Variants in MYH11 observed in about 807,000 individuals in gnomAD.
MYH11 encodes myosin heavy chain 11.
Under a neutral mutation model 246.6 loss-of-function variants are expected in MYH11, and 80 were observed. The ratio of observed to expected loss-of-function variants is 0.32; its 90% CI spans 0.27 to 0.39. The LOEUF (loss-of-function observed/expected upper bound fraction) is 0.39, where lower values mean the gene tolerates loss of function less well. Ranked by LOEUF, MYH11 falls within the 10% of genes least tolerant of loss-of-function variation. MYH11 has a pLI of 1.00. For missense variants in MYH11, 2,158 were observed against 2,546.8 expected (o/e 0.85, Z 3.29); for synonymous variants, 1,071 against 1,015.5 (o/e 1.05, Z -1.04).
At chr16:15,735,956 T>C (rs2041105677) in intron 25 of MYH11, among the ~76,000 whole-genome samples, 1 of 152,242 alleles carries the variant, frequency 6.6e-6, no homozygotes, top group African/African-American at 2.4e-5. Flanking sequence ...CTGTTCTTTC[T>C]GCATTTGCTC....
chr16:15,757,719 G>C, intron 13 of MYH11, 108 bp downstream of exon 13: 1 of 1,381,596 alleles, frequency 7.2e-7, no homozygotes, highest in East Asian at 2.4e-5. Flanking sequence ...TGGATTGGGT[G>C]GGGGAATGCT....
chr16:15,818,867 A>G (rs1313220750), intron 3 of MYH11, among the ~76,000 whole-genome samples: 1 of 152,148 alleles, frequency 6.6e-6, no homozygotes, highest in Non-Finnish European at 1.5e-5. Flanking sequence ...GGATGTGCAT[A>G]TTCACGGTTT....
At chr16:15,812,452 C>T (rs975613009) in intron 3 of MYH11, among the ~76,000 whole-genome samples, 10 of 142,420 alleles carry the variant, frequency 7.0e-5, no homozygotes, top group Admixed American at 3.8e-4. Flanking sequence ...CACGGTGGCT[C>T]ATACCCATAA....
At position 15,714,999 on chromosome 16, in the gene MYH11, T is replaced by G. The variant is rs79129097; in HGVS notation, c.5696A>C (p.Asn1899Thr). The stretch of plus-strand genomic sequence containing the variant: ...CAGCTCCCGCTGCAGCTTCCTGCGG[T>G]TGGCGTTGATGCGCTGGGACTCCTC... The part of the protein sequence containing the change: ...AEEESQRINA[N>T]RRKLQRELDE... Residue 1899 changes from asparagine to threonine, a missense_variant, in exon 40 of 41, where the codon AAC (asparagine) becomes ACC (threonine). Physicochemically the swap from Asn to Thr is moderately conservative, Grantham distance 65. Coordinates refer to ENST00000300036, the MANE Select transcript of MYH11 (RefSeq NM_002474.3). 6.2e-7 allele frequency: 1 copy of G among 1,614,034 alleles called. No homozygotes were observed. Among genetic ancestry groups the G allele is most frequent in the South Asian group, 1.1e-5 (1 of 91,088 alleles).
chr16:15,820,100 T>C (rs1011558371), intron 3 of MYH11, among the ~76,000 whole-genome samples: 1 of 152,176 alleles, frequency 6.6e-6, no homozygotes, highest in Non-Finnish European at 1.5e-5. Flanking sequence ...CCCACCACTT[T>C]GGGAGGCCGA....
intron 25 of MYH11, among the ~76,000 whole-genome samples, chr16:15,737,212 G>C (rs1472891741): frequency 6.6e-6 from 1 of 152,180 alleles, no homozygotes; most frequent in Non-Finnish European, 1.5e-5. Context: ...CATGGGAGTA[G>C]GTGAGATCAA....
intron 3 of MYH11, among the ~76,000 whole-genome samples, chr16:15,814,579 AAAAAAGGTACCAAG>A: frequency 3.5e-5 from 4 of 113,020 alleles, no homozygotes; most frequent in African/African-American, 1.3e-4. Context: ...AAAAAAAAAA[AAAAAAGGTACCAAG>A]AAAAAAGTCT....
chr16:15,732,116 C>T lies in MYH11; in HGVS notation c.3651+448G>A, dbSNP rs911413052. On this transcript the variant is annotated intron_variant, in intron 27 of 40. Transcript: ENST00000300036. ...AGCTGGGATTACAGGCATGCACCAC[C>T]GCGCCCGGCTAATTTTTTGTATTTG... 4.6e-5 allele frequency among the ~76,000 whole-genome samples: 7 copies of T among 152,168 alleles called. No homozygotes were observed. The East Asian group carries it at 5.8e-4, about 13-fold the overall frequency.
In MYH11 at chr16:15,833,389, A is replaced by G. The variant is rs866993893; in HGVS notation, c.345+4519T>C. ...AGAGAGAGGGAGGGAGGGAGGGAGG[A>G]AGGAAGGAAGGAAGGAAGGAAGGGA... On this transcript the variant is annotated intron_variant, in intron 2 of 40. Transcript: ENST00000300036. Among the ~76,000 whole-genome samples the G allele has an allele frequency of 6.3e-4, 71 of 113,454 alleles. 1 individual carries two copies. The highest frequency in any genetic ancestry group is 5.8e-3 in the South Asian group (23 of 3,958). 74.4% of individuals were successfully genotyped at this position (113,454 alleles called of 152,430 possible).
chr16:15,805,403 G>A (rs909647366), intron 3 of MYH11, among the ~76,000 whole-genome samples: 5 of 152,046 alleles, frequency 3.3e-5, no homozygotes, highest in Non-Finnish European at 5.9e-5. Flanking sequence ...ACATTCTGGC[G>A]GAAAAAGGTA....
chr16:15,743,231 C>T (rs1397033798), intron 20 of MYH11, among the ~76,000 whole-genome samples: 4 of 152,120 alleles, frequency 2.6e-5, no homozygotes, highest in African/African-American at 9.7e-5. Context: ...TGCAGTGGCA[C>T]GATCTCAGCT....
At chr16:15,755,499 C>A (rs527423764) in intron 14 of MYH11, among the ~76,000 whole-genome samples, 1 of 152,288 alleles carries the variant, frequency 6.6e-6, no homozygotes, top group South Asian at 2.1e-4. Context: ...ACAAGAAAAG[C>A]AGGCTGAGGC....
At chr16:15,725,285 C>A in intron 28 of MYH11, 1 of 580,556 alleles carries the variant, frequency 1.7e-6, no homozygotes, top group Non-Finnish European at 3.0e-6. Flanking sequence ...GACCTGATCC[C>A]ACTAAATGGA....
intron 1 of MYH11, among the ~76,000 whole-genome samples, chr16:15,847,227 T>C (rs562107169): frequency 1.3e-5 from 2 of 150,788 alleles, no homozygotes; most frequent in South Asian, 4.2e-4. Flanking sequence ...CTAAGCACTA[T>C]GACAAGTAAA....
At chr16:15,759,271 A>C (rs1040104359) in intron 12 of MYH11, among the ~76,000 whole-genome samples, 3 of 141,424 alleles carry the variant, frequency 2.1e-5, no homozygotes, top group Admixed American at 1.5e-4. Flanking sequence ...TGCCCCCGTG[A>C]GGGGAGAGCC....
chr16:15,762,584 G>A (rs1169124198), intron 10 of MYH11, among the ~76,000 whole-genome samples: 1 of 152,068 alleles, frequency 6.6e-6, no homozygotes, highest in Admixed American at 6.6e-5. Flanking sequence ...TCCAGGAACT[G>A]ACTCAGGGCA....
At chr16:15,773,780 G>A (rs1471836942) in intron 8 of MYH11, among the ~76,000 whole-genome samples, 1 of 152,116 alleles carries the variant, frequency 6.6e-6, no homozygotes, top group African/African-American at 2.4e-5. Context: ...GGTCCTTAAA[G>A]TCTAAAACGT....
At chr16:15,724,548 A>G in intron 30 of MYH11, 99 bp downstream of exon 30, 1 of 1,606,990 alleles carries the variant, frequency 6.2e-7, no homozygotes. Context: ...GGGGTCAAGC[A>G]CCATCGCACC....
chr16:15,810,850 T>G (rs1437853721), intron 3 of MYH11, among the ~76,000 whole-genome samples: 1 of 152,172 alleles, frequency 6.6e-6, no homozygotes, highest in Admixed American at 6.5e-5. Context: ...GCCGTTAATA[T>G]CATCTTTATC....
Sources: allele counts gnomAD v4.1 joint callset (sites outside exome capture counted in the v4.1 genomes callset), GRCh38; gene constraint gnomAD v4.1.1; transcripts MANE v1.5; gene names NCBI Gene and HGNC (gene_info 2026-07-23, HGNC 2026-07-21).